The following SLC35F1 variants were observed in gnomAD, a reference collection of about 807,000 sequenced individuals.
SLC35F1 encodes chromosome 6 open reading frame 169.
In SLC35F1, 14 loss-of-function variants were observed where a neutral mutation model predicts 48.7. The ratio of observed to expected loss-of-function variants is 0.29; its 90% CI spans 0.19 to 0.45. The LOEUF (loss-of-function observed/expected upper bound fraction) is 0.45. SLC35F1 is among the 20% of genes least tolerant of loss of function. The pLI is 1.00. For synonymous variants in SLC35F1, 190 were observed against 202.2 expected (o/e 0.94, Z 0.51); for missense variants, 404 against 500.0 (o/e 0.81, Z 1.83).
intron 2 of SLC35F1, among the ~76,000 whole-genome samples, chr6:118,221,110 AC>A (rs1303385543): frequency 6.6e-6 from 1 of 151,940 alleles, no homozygotes; most frequent in African/African-American, 2.4e-5. Flanking sequence ...AGCTGGGTCT[AC>A]CTTATTATTA....
At chr6:118,268,582 ATG>A (rs1366252399) in intron 4 of SLC35F1, among the ~76,000 whole-genome samples, 7 of 101,374 alleles carry the variant, frequency 6.9e-5, no homozygotes, top group Non-Finnish European at 1.5e-4. Flanking sequence ...AGTCATATAT[ATG>A]TATATATATA....
chr6:118,161,684 A>G (rs1485561635), intron 2 of SLC35F1, among the ~76,000 whole-genome samples: 1 of 152,174 alleles, frequency 6.6e-6, no homozygotes, highest in Non-Finnish European at 1.5e-5. Context: ...CCACAGTATA[A>G]AGATTGCACC....
chr6:118,010,953 G>C (rs1777237126), intron 1 of SLC35F1, among the ~76,000 whole-genome samples: 3 of 152,102 alleles, frequency 2.0e-5, no homozygotes, highest in South Asian at 4.1e-4. Context: ...TGTCCCCAGG[G>C]AACATTTGGC....
chr6:118,202,572 T>C (rs929579827), intron 2 of SLC35F1, among the ~76,000 whole-genome samples: 3 of 152,240 alleles, frequency 2.0e-5, no homozygotes, highest in African/African-American at 7.2e-5. Context: ...ATTCACAAAG[T>C]GTCTGGTACC....
At chr6:117,975,433 A>G (rs1242658965) in intron 1 of SLC35F1, among the ~76,000 whole-genome samples, 2 of 152,180 alleles carry the variant, frequency 1.3e-5, no homozygotes, top group African/African-American at 2.4e-5. Flanking sequence ...ATCCCAGGAA[A>G]AGTCTGGCAG....
intron 2 of SLC35F1, among the ~76,000 whole-genome samples, chr6:118,180,842 A>G (rs1030911447): frequency 1.9e-4 from 29 of 152,088 alleles, no homozygotes; most frequent in African/African-American, 6.8e-4. Flanking sequence ...GGTTCTGACA[A>G]TCTAGTGAAT....
At chr6:118,257,615 C>A (rs1204118296) in intron 3 of SLC35F1, among the ~76,000 whole-genome samples, 1 of 152,110 alleles carries the variant, frequency 6.6e-6, no homozygotes, top group African/African-American at 2.4e-5. Context: ...TATTTTCTGC[C>A]AGTTAAATCC....
chr6:118,140,181 T>C (rs1315301204), intron 1 of SLC35F1, among the ~76,000 whole-genome samples: 2 of 152,186 alleles, frequency 1.3e-5, no homozygotes, highest in Admixed American at 6.5e-5. Context: ...GAGTCAAAGA[T>C]CTGAAATTAC....
chr6:118,249,122 T>C (rs1436745479), intron 3 of SLC35F1, among the ~76,000 whole-genome samples: 3 of 152,222 alleles, frequency 2.0e-5, no homozygotes, highest in African/African-American at 4.8e-5. Flanking sequence ...AAATATATGT[T>C]GTTTATAAGC....
intron 1 of SLC35F1, among the ~76,000 whole-genome samples, chr6:118,028,270 C>G (rs969943379): frequency 6.6e-6 from 1 of 152,044 alleles, no homozygotes; most frequent in Non-Finnish European, 1.5e-5. Context: ...GTTCTTCTTC[C>G]ACACTATAAT....
intron 1 of SLC35F1, among the ~76,000 whole-genome samples, chr6:118,093,401 T>A (rs900939054): frequency 6.6e-6 from 1 of 152,188 alleles, no homozygotes; most frequent in African/African-American, 2.4e-5. Context: ...CATCCAAATC[T>A]CACCTTGAAT....
intron 1 of SLC35F1, among the ~76,000 whole-genome samples, chr6:117,926,382 T>C (rs1156999071): frequency 2.0e-5 from 3 of 152,200 alleles, no homozygotes; most frequent in African/African-American, 7.2e-5. Context: ...AAGCCTCTTT[T>C]CTTTATAAAT....
intron 2 of SLC35F1, among the ~76,000 whole-genome samples, chr6:118,221,381 G>A (rs1386585894): frequency 6.6e-6 from 1 of 152,172 alleles, no homozygotes; most frequent in Non-Finnish European, 1.5e-5. Context: ...GCTATTATGA[G>A]CTTGTCAAAA....
chr6:118,031,072 T>G (rs1772039931), intron 1 of SLC35F1, among the ~76,000 whole-genome samples: 1 of 152,174 alleles, frequency 6.6e-6, no homozygotes, highest in Non-Finnish European at 1.5e-5. Context: ...ACTATCAACA[T>G]CTCACACTAG....
chr6:118,074,031 T>G (rs1183791360), intron 1 of SLC35F1, among the ~76,000 whole-genome samples: 2 of 152,236 alleles, frequency 1.3e-5, no homozygotes, highest in African/African-American at 4.8e-5. Context: ...ACTCAATTAC[T>G]TTAGCTTTTC....
chr6:118,056,548 A>C (rs920189495), intron 1 of SLC35F1, among the ~76,000 whole-genome samples: 2 of 152,190 alleles, frequency 1.3e-5, no homozygotes, highest in African/African-American at 4.8e-5. Flanking sequence ...GCCAACACCA[A>C]ATCAATCTAT....
At chr6:117,991,632 C>T (rs1437311919) in intron 1 of SLC35F1, among the ~76,000 whole-genome samples, 1 of 152,134 alleles carries the variant, frequency 6.6e-6, no homozygotes, top group East Asian at 1.9e-4. Flanking sequence ...TATGAACAGC[C>T]TGCTGCATAC....
chr6:118,253,148 G>A (rs1775597703), intron 3 of SLC35F1, among the ~76,000 whole-genome samples: 1 of 152,082 alleles, frequency 6.6e-6, no homozygotes, highest in Non-Finnish European at 1.5e-5. Context: ...GGTAAATGTG[G>A]AACAGTGAGA....
At chr6:118,285,359 T>C (rs539752858) in intron 7 of SLC35F1, 21 bp downstream of exon 7, 1 of 1,613,072 alleles carries the variant, frequency 6.2e-7, no homozygotes, top group East Asian at 2.2e-5. Flanking sequence ...TGAGTGCTCC[T>C]TTGTGAAGAT....
Sources: allele counts gnomAD v4.1 joint callset (sites outside exome capture counted in the v4.1 genomes callset), GRCh38; gene constraint gnomAD v4.1.1; transcripts MANE v1.5; gene names NCBI Gene and HGNC (gene_info 2026-07-23, HGNC 2026-07-21).